The following NLRP13 variants were observed in gnomAD, a reference collection of about 807,000 sequenced individuals.
NLRP13 encodes NLR family pyrin domain containing 13, also known as NACHT, LRR and PYD domains-containing protein 13.
In NLRP13, 82 loss-of-function variants were observed where a neutral mutation model predicts 94.4. The observed-to-expected ratio is 0.87, with a 90% CI of 0.73 to 1.04. The LOEUF (loss-of-function observed/expected upper bound fraction) is 1.04. Ranked by LOEUF, NLRP13 falls within the 50% of genes least tolerant of loss-of-function variation. The pLI is 0.00. For missense variants in NLRP13, 1,426 were observed against 1,230.8 expected (o/e 1.16, Z -2.37); for synonymous variants, 553 against 464.7 (o/e 1.19, Z -2.45).
At position 55,924,976 on chromosome 19, in the gene NLRP13, C is replaced by A; in HGVS notation, c.379G>T (p.Ala127Ser). The A allele has an allele frequency of 6.2e-7, 1 of 1,614,032 alleles. No individual in the cohort carries two copies. The highest frequency in any genetic ancestry group is 1.1e-5 in the South Asian group (1 of 91,082). ...PTQEDLEMLE[A>S]AAGNMQTQGC... is the part of the protein sequence containing the mutation. ...AAAGTAGTGTACACACCTGCTGCTG[C>A]TTCTAGCATCTCTAGATCTTCCTGG... The change falls in exon 2 of 11, where the codon GCA (alanine) becomes TCA (serine). Residue 127 changes from alanine (A) to serine (S), a missense_variant. Physicochemically the swap from Ala to Ser is moderately conservative, Grantham distance 99 (BLOSUM62 1). Coordinates refer to ENST00000342929, the MANE Select transcript of NLRP13 (RefSeq NM_176810.2).
chr19:55,927,643 A>G (rs1261318130), intron 1 of NLRP13, among the ~76,000 whole-genome samples: 3 of 151,944 alleles, frequency 2.0e-5, no homozygotes, highest in African/African-American at 4.8e-5. Context: ...TCATCCATAA[A>G]CCACCAGGGC....
At chr19:55,928,544 A>G (rs1987025791) in intron 1 of NLRP13, among the ~76,000 whole-genome samples, 1 of 152,210 alleles carries the variant, frequency 6.6e-6, no homozygotes, top group East Asian at 1.9e-4. Flanking sequence ...CCATAAATAT[A>G]GACACCTACT....
At chr19:55,909,747 T>C (rs1262361564) in intron 6 of NLRP13, among the ~76,000 whole-genome samples, 1 of 152,214 alleles carries the variant, frequency 6.6e-6, no homozygotes, top group Non-Finnish European at 1.5e-5. Flanking sequence ...GAATTGGTAA[T>C]AGAAGGCCTG....
chr19:55,897,582 T>C (rs561304348), intron 10 of NLRP13, among the ~76,000 whole-genome samples: 4 of 152,204 alleles, frequency 2.6e-5, no homozygotes, highest in Non-Finnish European at 5.9e-5. Flanking sequence ...AATAGTTCAG[T>C]AAGTTGCTTC....
chr19:55,927,454 C>T (rs1216272109), intron 1 of NLRP13, among the ~76,000 whole-genome samples: 1 of 106,950 alleles, frequency 9.4e-6, no homozygotes, highest in Non-Finnish European at 1.8e-5. Flanking sequence ...AGTCTAATTC[C>T]TTAAAAAAAA....
chr19:55,930,041 C>T (rs1409679284), intron 1 of NLRP13, among the ~76,000 whole-genome samples: 2 of 152,072 alleles, frequency 1.3e-5, no homozygotes, highest in African/African-American at 4.8e-5. Context: ...TTCTAGTCTC[C>T]ATCTCATCCT....
rs370699360 is a variant in NLRP13, at chr19:55,912,715, C to A, written c.1102G>T (p.Val368Leu). The A allele has an allele frequency of 1.2e-6, 2 of 1,614,164 alleles. No individual in the cohort carries two copies. The highest frequency in any genetic ancestry group is 4.5e-5 in the East Asian group (2 of 44,872). ...TLLITIKTWFVRDLKASLVNP... is the reference protein window; with the variant it reads ...TLLITIKTWFLRDLKASLVNP... Reference sequence around the variant, plus strand: ...ACTAATGAGGCCTTAAGATCTCTCACAAACCAGGTCTTGATCGTGATCAGT... The same window carrying A: ...ACTAATGAGGCCTTAAGATCTCTCAAAAACCAGGTCTTGATCGTGATCAGT... The change falls in exon 5 of 11, where the codon GTG becomes TTG. Residue 368 changes from valine (V) to leucine (L), a missense_variant. Coordinates refer to ENST00000342929, the MANE Select transcript of NLRP13 (RefSeq NM_176810.2).
rs192332058 is a variant in NLRP13 at position 55,905,017 on chromosome 19, T to C, written c.2543A>G (p.Asn848Ser). The change falls in exon 8 of 11, where the codon AAT becomes AGT. Residue 848 changes from asparagine (N) to serine (S), a missense_variant. Physicochemically the swap from Asn to Ser is conservative, Grantham distance 46. Transcript: ENST00000342929. The part of the protein sequence containing the change: ...QHVTRLCLGF[N>S]RLQDDGIKLL... ...CTTTATGCCATCATCTTGGAGCCGA[T>C]TAAATCCCAGGCACAATCGAGTTAC... is the stretch of plus-strand genomic sequence containing the variant. 2.5e-6 allele frequency: 4 copies of C among 1,613,672 alleles called. No individual in the cohort carries two copies. The East Asian group carries it at 6.7e-5, about 27-fold the overall frequency.
chr19:55,923,677 T>A (rs188120048), intron 4 of NLRP13, among the ~76,000 whole-genome samples: 2 of 152,342 alleles, frequency 1.3e-5, no homozygotes, highest in Non-Finnish European at 2.9e-5. Context: ...GCCTGCTCTT[T>A]CACTGGATAT....
chr19:55,896,152 A>C, intron 10 of NLRP13, 33 bp from the exon 11 acceptor site: 2 of 1,605,940 alleles, frequency 1.2e-6, no homozygotes. Context: ...CACAACAGAT[A>C]GTCCTCTGAG....
chr19:55,914,394 C>A (rs191207044), intron 4 of NLRP13, among the ~76,000 whole-genome samples: 87 of 152,160 alleles, frequency 5.7e-4, no homozygotes, highest in Non-Finnish European at 3.4e-4. Context: ...TTTTAGAACT[C>A]CAGGTTTTAT....
Position 55,911,758 on chromosome 19 carries a change from G to A in NLRP13, c.2059C>T (p.Leu687=), listed in dbSNP as rs1202940389. Residue 687 remains leucine, a synonymous_variant, in exon 5 of 11, where the codon CTA becomes TTA. Transcript: ENST00000342929. ...ATGTGACTGCTAACAGAAAGCCTTA[G>A]CTTATTTAACCTTTTACAGTGCTTT... ...CLKHCKRLNK[L]RLSVSSHILE... 6.2e-7 allele frequency: 1 copy of A among 1,613,358 alleles called. No individual in the cohort carries two copies. Among genetic ancestry groups the A allele is most frequent in the African/African-American group, 1.3e-5 (1 of 74,878 alleles).
chr19:55,910,438 GTTTAT>G, intron 6 of NLRP13, 120 bp downstream of exon 6: 1 of 901,998 alleles, frequency 1.1e-6, no homozygotes, highest in Non-Finnish European at 1.6e-6. Flanking sequence ...TACAAGCACA[GTTTAT>G]TTTATCCTCC....
intron 1 of NLRP13, among the ~76,000 whole-genome samples, chr19:55,926,976 G>A (rs886290676): frequency 6.6e-6 from 1 of 151,628 alleles, no homozygotes. Flanking sequence ...GATATCTATA[G>A]GTGGAAAAAA....
In NLRP13 at chr19:55,912,947, G is replaced by C; in HGVS notation, c.870C>G (p.Pro290=). 1.2e-6 allele frequency: 2 copies of C among 1,613,950 alleles called. No individual in the cohort carries two copies. Residue 290 remains proline (P), a synonymous_variant, in exon 5 of 11, where the codon CCC becomes CCG. Coordinates refer to ENST00000342929, the MANE Select transcript of NLRP13 (RefSeq NM_176810.2). ...ACTCTTCAATGGGGGCATCAAAATC[G>C]GGCCAATCCAAAGAAATCAATTCAG... is the stretch of plus-strand genomic sequence containing the variant. ...TFAELISLDW[P]DFDAPIEEFM...
At chr19:55,896,820 CAAAAAA>C (rs3073244) in intron 10 of NLRP13, among the ~76,000 whole-genome samples, 1,881 of 80,884 alleles carry the variant, frequency 0.023, 24 homozygotes, top group African/African-American at 0.041. Context: ...CTCCATCTCA[CAAAAAA>C]AAAAAAAAAA....
Position 55,902,018 on chromosome 19 carries a change from G to C in NLRP13, c.2789+17C>G. The stretch of plus-strand genomic sequence containing the variant: ...TCTCCTCCATCTGCCAACTCAGAGG[G>C]AGCCAAGAAAACTTACTTCAGGCTC... On this transcript the variant is annotated intron_variant, in intron 9 of 10. Transcript: ENST00000342929. 1 of 1,613,208 alleles carries C rather than the reference G, an allele frequency of 6.2e-7. No individual in the cohort carries two copies.
chr19:55,910,457 G>A, intron 6 of NLRP13, 106 bp downstream of exon 6: 1 of 1,071,474 alleles, frequency 9.3e-7, no homozygotes, highest in East Asian at 2.4e-5. Flanking sequence ...ATCCTCCTGA[G>A]CACGTAGCTT....
intron 8 of NLRP13, 62 bp downstream of exon 8, chr19:55,904,880 C>A: frequency 7.3e-7 from 1 of 1,364,448 alleles, no homozygotes; most frequent in South Asian, 1.4e-5. Context: ...ATGAAGAAAC[C>A]ATTGTTCTAG....
Sources: allele counts gnomAD v4.1 joint callset (sites outside exome capture counted in the v4.1 genomes callset), GRCh38; gene constraint gnomAD v4.1.1; transcripts MANE v1.5; gene names NCBI Gene and HGNC (gene_info 2026-07-23, HGNC 2026-07-21).